Variants in RBL1 observed in about 807,000 individuals in gnomAD.
The protein encoded by RBL1 is retinoblastoma-like protein 1.
Under a neutral mutation model 123.0 loss-of-function variants are expected in RBL1, and 82 were observed. The observed-to-expected ratio is 0.67, with a 90% CI of 0.56 to 0.80. The LOEUF (loss-of-function observed/expected upper bound fraction) is 0.80, where lower values mean the gene tolerates loss of function less well. Ranked by LOEUF, RBL1 falls within the 30% of genes least tolerant of loss-of-function variation. The pLI is 0.00. For missense variants in RBL1, 1,171 were observed against 1,299.6 expected (o/e 0.90, Z 1.52); for synonymous variants, 405 against 441.3 (o/e 0.92, Z 1.03).
At chr20:37,083,014 A>C (rs1044732185) in intron 2 of RBL1, among the ~76,000 whole-genome samples, 4 of 152,036 alleles carry the variant, frequency 2.6e-5, no homozygotes, top group Admixed American at 6.6e-5. Flanking sequence ...ATAATAATAA[A>C]AGTTAAAAAA....
At chr20:37,001,089 C>A (rs1444051604) in intron 21 of RBL1, among the ~76,000 whole-genome samples, 1 of 149,206 alleles carries the variant, frequency 6.7e-6, no homozygotes, top group Non-Finnish European at 1.5e-5. Context: ...GGTCAGCCCC[C>A]CGCCTGGCCA....
chr20:37,064,282 C>T (rs985205862), intron 7 of RBL1, among the ~76,000 whole-genome samples: 4 of 151,570 alleles, frequency 2.6e-5, no homozygotes, highest in Non-Finnish European at 4.4e-5. Flanking sequence ...GGACTACAGG[C>T]GTGTGCCACC....
intron 19 of RBL1, among the ~76,000 whole-genome samples, chr20:37,015,064 A>C (rs1250543261): frequency 4.1e-5 from 4 of 97,952 alleles, no homozygotes; most frequent in African/African-American, 1.8e-4. Flanking sequence ...ACTGTATCTC[A>C]AAAAAAAAAA....
At chr20:37,018,963 A>AAAAC (rs1346726231) in intron 18 of RBL1, among the ~76,000 whole-genome samples, 1 of 152,176 alleles carries the variant, frequency 6.6e-6, no homozygotes, top group Non-Finnish European at 1.5e-5. Flanking sequence ...AAAACAAAAT[A>AAAAC]AAACAAACAA....
chr20:37,032,642 T>C, intron 16 of RBL1, 23 bp downstream of exon 16: 1 of 1,612,226 alleles, frequency 6.2e-7, no homozygotes, highest in Non-Finnish European at 8.5e-7. Flanking sequence ...CAAATTCTTC[T>C]AAAGTGCTAT....
chr20:37,000,382 C>G (rs1399743513), intron 21 of RBL1, among the ~76,000 whole-genome samples: 1 of 116,038 alleles, frequency 8.6e-6, no homozygotes, highest in Non-Finnish European at 2.0e-5. Context: ...GGGTTAGCCC[C>G]CCGCCCGGCC....
intron 14 of RBL1, 66 bp from the exon 15 acceptor site, chr20:37,035,574 C>T: frequency 1.5e-6 from 2 of 1,333,928 alleles, no homozygotes; most frequent in Non-Finnish European, 2.0e-6. Context: ...TTTACTCATT[C>T]ACTCAACAGA....
chr20:37,063,692 AGT>A (rs1453475103), intron 7 of RBL1, among the ~76,000 whole-genome samples: 1 of 151,676 alleles, frequency 6.6e-6, no homozygotes, highest in Non-Finnish European at 1.5e-5. Context: ...TTGTATTTTT[AGT>A]AGAGATGGGG....
At chr20:37,059,158 A>G (rs922705151) in intron 9 of RBL1, among the ~76,000 whole-genome samples, 32 of 152,300 alleles carry the variant, frequency 2.1e-4, no homozygotes, top group African/African-American at 7.5e-4. Context: ...CAGTAGTTCA[A>G]TCCAGATCTA....
chr20:37,004,373 T>C (rs2064035883), intron 20 of RBL1, among the ~76,000 whole-genome samples: 1 of 149,954 alleles, frequency 6.7e-6, no homozygotes, highest in African/African-American at 2.4e-5. Flanking sequence ...TGAGCCACTA[T>C]GCCCGGCCTA....
intron 2 of RBL1, among the ~76,000 whole-genome samples, chr20:37,071,859 C>G (rs752852898): frequency 6.6e-6 from 1 of 152,276 alleles, no homozygotes; most frequent in South Asian, 2.1e-4. Context: ...GCCTCCTCCC[C>G]CTTCACCTAC....
At chr20:37,025,419 C>T (rs1332428858) in intron 16 of RBL1, among the ~76,000 whole-genome samples, 1 of 152,014 alleles carries the variant, frequency 6.6e-6, no homozygotes, top group African/African-American at 2.4e-5. Flanking sequence ...ACTCAGGAGG[C>T]TGAGGTGAGA....
chr20:37,074,415 G>GAAAAAAAAAAAAAAAAAAAAAAAAA (rs751317386), intron 2 of RBL1, among the ~76,000 whole-genome samples: 1 of 62,264 alleles, frequency 1.6e-5, no homozygotes, highest in Admixed American at 1.8e-4. Context: ...CCCTGTCTCA[G>GAAAAAAAAAAAAAAAAAAAAAAAAA]AAAAAAAAAA....
In RBL1 at chr20:37,002,556, G is replaced by A. The variant is rs573451347; in HGVS notation, c.3036+1146C>T. On this transcript the variant is annotated intron_variant, in intron 21 of 21. Transcript: ENST00000373664. Reference sequence around the variant, plus strand: ...GGGTTTCACCATGTTGGCCAGGCTGGTCTTGAACTCCTGATCTCGTGATCT... The same window carrying A: ...GGGTTTCACCATGTTGGCCAGGCTGATCTTGAACTCCTGATCTCGTGATCT... 1.5e-3 allele frequency among the ~76,000 whole-genome samples: 232 copies of A among 150,954 alleles called. 2 individuals are homozygous for A. In the Middle Eastern group the frequency reaches 0.025, roughly 16 times the overall value.
At chr20:37,095,354 G>A (rs1419480083) in intron 1 of RBL1, among the ~76,000 whole-genome samples, 1 of 152,176 alleles carries the variant, frequency 6.6e-6, no homozygotes, top group Non-Finnish European at 1.5e-5. Flanking sequence ...TTCCTCTTGC[G>A]TGAAATGGGG....
At chr20:37,066,680 G>T in intron 6 of RBL1, 44 bp downstream of exon 6, 1 of 1,544,984 alleles carries the variant, frequency 6.5e-7, no homozygotes, top group Non-Finnish European at 8.9e-7. Flanking sequence ...TCACATTACT[G>T]GTGATCTGTA....
intron 19 of RBL1, among the ~76,000 whole-genome samples, chr20:37,011,695 A>G (rs997947496): frequency 6.6e-6 from 1 of 152,126 alleles, no homozygotes; most frequent in African/African-American, 2.4e-5. Flanking sequence ...TCGGTCTCCC[A>G]AAGTGCTGGG....
At chr20:37,088,124 G>A (rs939700199) in intron 2 of RBL1, among the ~76,000 whole-genome samples, 5 of 152,074 alleles carry the variant, frequency 3.3e-5, no homozygotes, top group Admixed American at 6.6e-5. Context: ...AATTAGCCAG[G>A]CGTGGTGGCA....
chr20:37,041,330 A>AT (rs907053093), intron 13 of RBL1, among the ~76,000 whole-genome samples: 19 of 151,466 alleles, frequency 1.3e-4, no homozygotes, highest in Admixed American at 5.3e-4. Flanking sequence ...TATTCATTTA[A>AT]TTTTTTTTTG....
Sources: gnomAD v4.1 joint callset for allele counts (sites outside exome capture counted in the v4.1 genomes callset) on GRCh38, gnomAD v4.1.1 for gene constraint, MANE v1.5 for transcripts, NCBI Gene and HGNC (gene_info 2026-07-23, HGNC 2026-07-21) for gene names.